Variants in GSE1 observed in about 807,000 individuals in gnomAD.
The protein encoded by GSE1 is Gse1 coiled-coil protein.
In GSE1, 32 loss-of-function variants were observed where a neutral mutation model predicts 112.6. That is an observed-to-expected ratio of 0.28 (90% confidence interval 0.21 to 0.38). The LOEUF (loss-of-function observed/expected upper bound fraction) is 0.38, where lower values mean the gene tolerates loss of function less well. Among genes scored for constraint, GSE1 ranks in the 10% least tolerant of loss-of-function variants. GSE1 has a pLI of 1.00. For missense variants in GSE1, 2,348 were observed against 1,699.2 expected, an observed-to-expected ratio of 1.38 and a Z score of -6.71; for synonymous variants, 1,115 against 735.6, an observed-to-expected ratio of 1.52 and a Z score of -8.35.
At chr16:85,509,159 C>G (rs572407838) in intron 2 of GSE1, among the ~76,000 whole-genome samples, 2 of 152,188 alleles carry the variant, frequency 1.3e-5, no homozygotes, top group African/African-American at 4.8e-5. Context: ...TATCGTGTGA[C>G]GGAGAAAGTG....
Position 85,648,653 on chromosome 16 carries a change from G to T in GSE1, c.328G>T (p.Val110Phe), listed in dbSNP as rs138417000. The T allele has an allele frequency of 1.3e-6, 2 of 1,599,226 alleles. No individual in the cohort carries two copies. The highest frequency in any genetic ancestry group is 1.7e-6 in the Non-Finnish European group (2 of 1,170,006). Reference sequence around the variant, plus strand: ...GCGCGTGCCCATGGGCCCTATCATCGTCCCCCCTGGGGGCCACAGCGTGCC... The same window carrying T: ...GCGCGTGCCCATGGGCCCTATCATCTTCCCCCCTGGGGGCCACAGCGTGCC... The part of the protein sequence containing the change: ...PKRVPMGPII[V>F]PPGGHSVPST... Residue 110 changes from valine to phenylalanine, a missense_variant, in exon 3 of 16, where the codon GTC becomes TTC. Val to Phe is a conservative substitution (Grantham distance 50). Transcript: ENST00000253458.
chr16:85,190,361 G>C (rs1225022645), intron 1 of GSE1, among the ~76,000 whole-genome samples: 1 of 152,208 alleles, frequency 6.6e-6, no homozygotes, highest in Non-Finnish European at 1.5e-5. Flanking sequence ...ATTAGTGGCT[G>C]TGTTATTTGG....
intron 1 of GSE1, among the ~76,000 whole-genome samples, chr16:85,573,120 T>A (rs947304936): frequency 2.0e-5 from 3 of 152,214 alleles, no homozygotes; most frequent in Non-Finnish European, 4.4e-5. Flanking sequence ...CGCCTCGGCC[T>A]CACAAAGTGC....
At chr16:85,181,492 G>A (rs921093708) in intron 1 of GSE1, among the ~76,000 whole-genome samples, 1 of 152,270 alleles carries the variant, frequency 6.6e-6, no homozygotes, top group Non-Finnish European at 1.5e-5. Flanking sequence ...GCTTCCACAC[G>A]GCCCTGCCCC....
At chr16:85,499,370 G>C (rs58647946) in intron 2 of GSE1, among the ~76,000 whole-genome samples, 6,112 of 134,132 alleles carry the variant, frequency 0.046, 462 homozygotes, top group African/African-American at 0.16. Flanking sequence ...GAGTGCAGTG[G>C]CGTGATCTCG....
chr16:85,302,920 G>A (rs1035169966), intron 1 of GSE1, among the ~76,000 whole-genome samples: 1 of 152,216 alleles, frequency 6.6e-6, no homozygotes, highest in African/African-American at 2.4e-5. Context: ...TGCTCAGTGG[G>A]TCTTCCACAA....
At chr16:85,271,953 G>A (rs1389034298) in intron 1 of GSE1, among the ~76,000 whole-genome samples, 1 of 152,242 alleles carries the variant, frequency 6.6e-6, no homozygotes, top group African/African-American at 2.4e-5. Flanking sequence ...GGCCAGGCCA[G>A]CGTCTGCAGG....
At chr16:85,620,416 T>C (rs1450796938) in intron 1 of GSE1, among the ~76,000 whole-genome samples, 1 of 152,242 alleles carries the variant, frequency 6.6e-6, no homozygotes, top group Non-Finnish European at 1.5e-5. Flanking sequence ...GCATTTGACA[T>C]GTGGTATTTT....
chr16:85,444,219 C>T (rs1362845928), intron 2 of GSE1, among the ~76,000 whole-genome samples: 4 of 152,196 alleles, frequency 2.6e-5, no homozygotes, highest in East Asian at 3.9e-4. Context: ...CTCTTGACCT[C>T]GTGACCCTCC....
chr16:85,384,198 C>T (rs771378506), intron 2 of GSE1, among the ~76,000 whole-genome samples: 4 of 152,228 alleles, frequency 2.6e-5, no homozygotes, highest in Non-Finnish European at 4.4e-5. Flanking sequence ...AGGTGACTGC[C>T]CAGCCCAGGC....
At chr16:85,423,995 C>G (rs2048911129) in intron 2 of GSE1, among the ~76,000 whole-genome samples, 1 of 152,228 alleles carries the variant, frequency 6.6e-6, no homozygotes, top group Non-Finnish European at 1.5e-5. Flanking sequence ...CTCCTCGAGT[C>G]CCTCCTCAGC....
At chr16:85,328,291 A>G (rs1326412052) in intron 1 of GSE1, among the ~76,000 whole-genome samples, 3 of 152,090 alleles carry the variant, frequency 2.0e-5, no homozygotes, top group South Asian at 2.1e-4. Context: ...TGGGGCTGTC[A>G]CCCCAGAGAA....
At chr16:85,504,052 C>G (rs1253726625) in intron 2 of GSE1, among the ~76,000 whole-genome samples, 6 of 152,252 alleles carry the variant, frequency 3.9e-5, no homozygotes, top group African/African-American at 1.4e-4. Context: ...CGCCCTCTGC[C>G]TCCCACGGTG....
chr16:85,475,542 G>A (rs532047931), intron 2 of GSE1, among the ~76,000 whole-genome samples: 56 of 152,336 alleles, frequency 3.7e-4, no homozygotes, highest in African/African-American at 1.3e-3. Context: ...GATTTATCAC[G>A]ATGCTGGCTC....
intron 1 of GSE1, among the ~76,000 whole-genome samples, chr16:85,557,394 G>A (rs2045286462): frequency 6.6e-6 from 1 of 152,074 alleles, no homozygotes; most frequent in African/African-American, 2.4e-5. Context: ...ACCTAATGAA[G>A]GTGGGGTGTG....
At chr16:85,593,964 C>G (rs1434765537) in intron 1 of GSE1, 1 of 152,282 alleles carries the variant, frequency 6.6e-6, no homozygotes, top group Non-Finnish European at 1.5e-5. Flanking sequence ...TGGAAAATTG[C>G]CCGGTTGCTG....
chr16:85,221,464 G>A (rs528923224), intron 1 of GSE1, among the ~76,000 whole-genome samples: 2 of 151,644 alleles, frequency 1.3e-5, no homozygotes, highest in African/African-American at 4.9e-5. Flanking sequence ...CACACACACA[G>A]ACGCACACAG....
intron 2 of GSE1, among the ~76,000 whole-genome samples, chr16:85,394,407 G>C (rs2047920228): frequency 6.6e-6 from 1 of 152,126 alleles, no homozygotes; most frequent in Non-Finnish European, 1.5e-5. Flanking sequence ...GGGAGGTCGG[G>C]GGCTTGCTTC....
chr16:85,642,842 C>G (rs1189797697), intron 2 of GSE1, among the ~76,000 whole-genome samples: 2 of 152,184 alleles, frequency 1.3e-5, no homozygotes, highest in Non-Finnish European at 2.9e-5. Flanking sequence ...GTGCCCTGCC[C>G]TCCCCTTTCC....
Sources: gnomAD v4.1 joint callset for allele counts (sites outside exome capture counted in the v4.1 genomes callset) on GRCh38, gnomAD v4.1.1 for gene constraint, MANE v1.5 for transcripts, NCBI Gene and HGNC (gene_info 2026-07-23, HGNC 2026-07-21) for gene names.